Variants in PRKAR1B observed in about 807,000 individuals in gnomAD.
PRKAR1B encodes cAMP-dependent protein kinase type I-beta regulatory subunit.
Under a neutral mutation model 46.5 loss-of-function variants are expected in PRKAR1B, and 22 were observed. The observed-to-expected ratio is 0.47, with a 90% CI of 0.34 to 0.68. The LOEUF is 0.68. Among genes scored for constraint, PRKAR1B ranks in the 30% least tolerant of loss-of-function variants. The pLI is 0.01. For missense variants in PRKAR1B, 445 were observed against 535.6 expected, an observed-to-expected ratio of 0.83 and a Z score of 1.67; for synonymous variants, 259 against 217.7, an observed-to-expected ratio of 1.19 and a Z score of -1.67.
At chr7:626,273 C>A (rs1295995001) in intron 4 of PRKAR1B, among the ~76,000 whole-genome samples, 1 of 152,208 alleles carries the variant, frequency 6.6e-6, no homozygotes, top group Non-Finnish European at 1.5e-5. Context: ...AGGAAGATCA[C>A]TTGAGGCCAG....
chr7:559,092 C>T lies in PRKAR1B; in HGVS notation c.892-7622G>A, dbSNP rs111255795. ...TCTTCCAGGCTCGCCTTCAGTCACT[C>T]GTCTACTGCATTAGGGCTAGGACTA... is the stretch of plus-strand genomic sequence containing the variant. On this transcript the variant is annotated intron_variant, in intron 9 of 10. Coordinates refer to ENST00000537384, the MANE Select transcript of PRKAR1B (RefSeq NM_001164760.2). 2.1e-3 allele frequency among the ~76,000 whole-genome samples: 319 copies of T among 152,340 alleles called. 1 individual carries two copies. Among genetic ancestry groups the T allele is most frequent in the African/African-American group, 7.5e-3 (311 of 41,574 alleles).
chr7:606,727 C>A (rs1356025468), intron 5 of PRKAR1B, among the ~76,000 whole-genome samples: 1 of 151,696 alleles, frequency 6.6e-6, no homozygotes, highest in Admixed American at 6.6e-5. Flanking sequence ...GGATTACAGG[C>A]GTGAGCCACC....
At chr7:633,775 G>A (rs1374164759) in intron 4 of PRKAR1B, among the ~76,000 whole-genome samples, 5 of 152,150 alleles carry the variant, frequency 3.3e-5, no homozygotes, top group Non-Finnish European at 5.9e-5. Context: ...AAAAGTCGGG[G>A]AGGGGAGCAG....
intron 7 of PRKAR1B, among the ~76,000 whole-genome samples, chr7:586,128 T>C (rs1780580631): frequency 6.6e-6 from 1 of 152,128 alleles, no homozygotes; most frequent in Non-Finnish European, 1.5e-5. Flanking sequence ...AAGAGAAAGC[T>C]GGTTCTCGGG....
At chr7:682,051 G>A (rs1778714423) in intron 2 of PRKAR1B, among the ~76,000 whole-genome samples, 1 of 152,052 alleles carries the variant, frequency 6.6e-6, no homozygotes, top group Non-Finnish European at 1.5e-5. Context: ...AGGGAGGGAG[G>A]AAGGAAGAAG....
At chr7:565,849 A>G (rs1779093230) in intron 9 of PRKAR1B, among the ~76,000 whole-genome samples, 1 of 152,114 alleles carries the variant, frequency 6.6e-6, no homozygotes, top group African/African-American at 2.4e-5. Context: ...CAGTTTCCCC[A>G]CTGTAAAATA....
At chr7:586,261 A>G (rs1204096918) in intron 7 of PRKAR1B, among the ~76,000 whole-genome samples, 2 of 152,146 alleles carry the variant, frequency 1.3e-5, no homozygotes, top group African/African-American at 2.4e-5. Context: ...CCGGCCCCCA[A>G]TGATCCTCAC....
intron 8 of PRKAR1B, among the ~76,000 whole-genome samples, chr7:583,690 A>G (rs950154721): frequency 2.1e-4 from 25 of 118,034 alleles, no homozygotes; most frequent in African/African-American, 8.3e-4. Context: ...CACACGGTGC[A>G]CTCACACCCT....
chr7:572,729 A>G (rs1009505521), intron 9 of PRKAR1B, among the ~76,000 whole-genome samples: 2 of 152,214 alleles, frequency 1.3e-5, no homozygotes, highest in African/African-American at 4.8e-5. Context: ...GGGGAGCAGG[A>G]GGCCCCAGGT....
chr7:628,582 C>T (rs1444719319), intron 4 of PRKAR1B, among the ~76,000 whole-genome samples: 3 of 152,314 alleles, frequency 2.0e-5, no homozygotes, highest in Non-Finnish European at 2.9e-5. Flanking sequence ...ACCAGTCGCT[C>T]GCTCAGGCCC....
intron 4 of PRKAR1B, among the ~76,000 whole-genome samples, chr7:624,688 G>T (rs1424508549): frequency 6.6e-6 from 1 of 152,138 alleles, no homozygotes; most frequent in Admixed American, 6.5e-5. Flanking sequence ...GTCACTATAG[G>T]CCTATTAAAT....
rs1342558487 is a variant in PRKAR1B, at chr7:550,550, C to T, written c.1026G>A (p.Arg342=). 6.2e-7 allele frequency: 1 copy of T among 1,604,696 alleles called. No individual in the cohort carries two copies. The highest frequency in any genetic ancestry group is 2.2e-5 in the East Asian group (1 of 44,662). Residue 342 remains arginine (R), a synonymous_variant, in exon 11 of 11, where the codon CGG becomes CGA. Transcript: ENST00000537384. ...NRPRAATVVA[R]GPLKCVKLDR... is the part of the protein sequence containing the mutation. The stretch of plus-strand genomic sequence containing the variant: ...CCAGCTTCACACACTTGAGGGGCCC[C>T]CGGGCCACGACAGTGGCCGCCCGGG...
intron 3 of PRKAR1B, 56 bp from the exon 4 acceptor site, chr7:677,376 C>T (rs573750660): frequency 2.5e-5 from 37 of 1,491,196 alleles, no homozygotes; most frequent in Middle Eastern, 1.7e-4. Flanking sequence ...TGCTGTGACG[C>T]GGCCTGAAAT....
intron 9 of PRKAR1B, chr7:562,041 G>C (rs1778836847): frequency 6.6e-6 from 1 of 152,502 alleles, no homozygotes; most frequent in Non-Finnish European, 1.5e-5. Flanking sequence ...CGGGGGGTGG[G>C]GGTGACGAGA....
chr7:652,295 C>G, intron 4 of PRKAR1B, among the ~76,000 whole-genome samples: 1 of 149,936 alleles, frequency 6.7e-6, no homozygotes, highest in South Asian at 2.1e-4. Flanking sequence ...AGTTCACACC[C>G]ACGCAGCGCT....
chr7:632,455 CT>C (rs1783810931), intron 4 of PRKAR1B, among the ~76,000 whole-genome samples: 1 of 152,256 alleles, frequency 6.6e-6, no homozygotes, highest in Admixed American at 6.5e-5. Flanking sequence ...CCCACTGCCC[CT>C]GGCTCAGCTC....
chr7:693,551 G>C (rs1314758627), intron 2 of PRKAR1B, among the ~76,000 whole-genome samples: 2 of 152,190 alleles, frequency 1.3e-5, no homozygotes, highest in Non-Finnish European at 2.9e-5. Flanking sequence ...ACGTGTCCCA[G>C]GTTCGTCCGC....
chr7:615,239 C>T (rs1000542950), intron 4 of PRKAR1B, among the ~76,000 whole-genome samples: 2 of 150,872 alleles, frequency 1.3e-5, no homozygotes, highest in African/African-American at 4.9e-5. Context: ...TCCTGGCTAA[C>T]ATGGTGAAAC....
chr7:662,096 C>T (rs531966847), intron 4 of PRKAR1B, among the ~76,000 whole-genome samples: 2 of 100,310 alleles, frequency 2.0e-5, no homozygotes, highest in Admixed American at 1.9e-4. Context: ...ACTCTCCCCC[C>T]CATGGCACAG....
Sources: allele counts gnomAD v4.1 joint callset (sites outside exome capture counted in the v4.1 genomes callset), GRCh38; gene constraint gnomAD v4.1.1; transcripts MANE v1.5; gene names NCBI Gene and HGNC (gene_info 2026-07-23, HGNC 2026-07-21).